Variants in RAB25 observed in about 807,000 individuals in gnomAD.
The protein encoded by RAB25 is ras-related protein Rab-25.
A neutral mutation model predicts 25.2 loss-of-function variants in RAB25; 23 were observed. That is an observed-to-expected ratio of 0.91 (90% CI 0.66 to 1.29). RAB25 has a LOEUF of 1.29. Among genes scored for constraint, RAB25 ranks in the 50% most tolerant of loss-of-function variants. The probability of loss-of-function intolerance (pLI) is 0.00; values close to 1 mark genes in which losing one functional copy is unlikely to be tolerated. For missense variants in RAB25, 244 were observed against 277.3 expected, an observed-to-expected ratio of 0.88 and a Z score of 0.85; for synonymous variants, 102 against 111.5, an observed-to-expected ratio of 0.91 and a Z score of 0.54.
chr1:156,066,065 G>A lies in RAB25; in HGVS notation c.198G>A (p.Trp66Ter), dbSNP rs190300474. ...CCGCTGCTGTCAAGGCTCAGATCTGGGACACAGCTGGCCTGGAGCGGTACC... is the reference window on the plus strand; with the variant it reads ...CCGCTGCTGTCAAGGCTCAGATCTGAGACACAGCTGGCCTGGAGCGGTACC... ...LGTAAVKAQIWDTAGLERYRA... is the reference protein window; with the variant it reads ...LGTAAVKAQI The change falls in exon 2 of 5, where the codon TGG (tryptophan) becomes TGA (stop). Residue 66 changes from tryptophan (W) to a stop codon, truncating the protein, a stop_gained. Transcript: ENST00000361084. LOFTEE classifies it high-confidence loss of function. 1,017 of 1,612,026 alleles carry A rather than the reference G, an allele frequency of 6.3e-4. 2 individuals are homozygous for A. Among genetic ancestry groups the A allele is most frequent in the Non-Finnish European group, 7.7e-4 (908 of 1,178,636 alleles).
rs528138975 is a variant in RAB25 at position 156,062,239 on chromosome 1, T to C, written c.43+796T>C. 2.0e-5 allele frequency among the ~76,000 whole-genome samples: 3 copies of C among 152,318 alleles called. No individual in the cohort carries two copies. The South Asian group carries it at 6.2e-4, about 32-fold the overall frequency. On this transcript the variant is annotated intron_variant, in intron 1 of 4. Transcript: ENST00000361084. ...AAGACAGAAAATATCATGAATTTGCTGCAGAGTCTGATAGAATCCAGAGGA... is the reference window on the plus strand; with the variant it reads ...AAGACAGAAAATATCATGAATTTGCCGCAGAGTCTGATAGAATCCAGAGGA...
At chr1:156,064,385 C>T (rs185208099) in intron 1 of RAB25, among the ~76,000 whole-genome samples, 113 of 151,814 alleles carry the variant, frequency 7.4e-4, no homozygotes, top group Non-Finnish European at 1.2e-4. Context: ...GGACTACATG[C>T]ATGTGCCACC....
In RAB25 at chr1:156,066,207, G is replaced by A. The variant is rs749209022; in HGVS notation, c.239+101G>A. Reference sequence around the variant, plus strand: ...GGGGAGGAGGAGGCAAGGGGGCTCAGCAGTGGGCTCTGGGGGGTGGGGATG... The same window carrying A: ...GGGGAGGAGGAGGCAAGGGGGCTCAACAGTGGGCTCTGGGGGGTGGGGATG... On this transcript the variant is annotated intron_variant, in intron 2 of 4. Coordinates refer to ENST00000361084, the MANE Select transcript of RAB25 (RefSeq NM_020387.4). The A allele has an allele frequency of 4.9e-4, 473 of 962,240 alleles. 1 individual carries two copies. The highest frequency in any genetic ancestry group is 6.3e-4 in the Non-Finnish European group (437 of 694,094). 59.6% of individuals were successfully genotyped at this position (962,240 alleles called of 1,614,324 possible).
In RAB25 at chr1:156,061,409, T is replaced by C. The variant is rs769330382; in HGVS notation, c.9T>C (p.Asn3=). 2 of 1,613,956 alleles carry C rather than the reference T, an allele frequency of 1.2e-6. No homozygotes were observed. The highest frequency in any genetic ancestry group is 2.7e-5 in the African/African-American group (2 of 74,916). ...CTCCATGCGGAGCCAAGATGGGGAATGGAACTGAGGAAGATTATAACTTTG... is the reference window on the plus strand; with the variant it reads ...CTCCATGCGGAGCCAAGATGGGGAACGGAACTGAGGAAGATTATAACTTTG... MG[N]GTEEDYNFVF... is the part of the protein sequence containing the mutation. The change falls in exon 1 of 5, where the codon AAT becomes AAC. Residue 3 remains asparagine, a synonymous_variant. Coordinates refer to ENST00000361084, the MANE Select transcript of RAB25 (RefSeq NM_020387.4).
Position 156,061,308 on chromosome 1 carries a change from C to A in RAB25, c.-93C>A, listed in dbSNP as rs1166747151. 2 of 1,335,686 alleles carry A rather than the reference C, an allele frequency of 1.5e-6. No individual in the cohort carries two copies. The highest frequency in any genetic ancestry group is 2.9e-5 in the African/African-American group (2 of 69,186). 82.7% of individuals were successfully genotyped at this position (1,335,686 alleles called of 1,614,324 possible). A position where few individuals can be genotyped will look rare whatever the true frequency, so the allele number is the denominator to read the frequency against. ...AATGAGAGGAGGGGCAGGACCAGAT[C>A]TTTTGAGAGCTGAGGGTTGAGGGCA... is the stretch of plus-strand genomic sequence containing the variant. On this transcript the variant is annotated 5_prime_UTR_variant, in exon 1 of 5. Transcript: ENST00000361084.
At chr1:156,064,964 C>G (rs1183923906) in intron 1 of RAB25, among the ~76,000 whole-genome samples, 1 of 152,098 alleles carries the variant, frequency 6.6e-6, no homozygotes, top group Non-Finnish European at 1.5e-5. Flanking sequence ...CTCACATCAG[C>G]CCCCTACACT....
intron 3 of RAB25, 38 bp from the exon 4 acceptor site, chr1:156,069,633 G>T (rs369418058): frequency 3.4e-6 from 5 of 1,451,354 alleles, no homozygotes; most frequent in South Asian, 1.1e-5. Context: ...TATTGCCTTT[G>T]ACTCCCACAA....
intron 4 of RAB25, 144 bp from the exon 5 acceptor site, chr1:156,070,016 C>T (rs1433692540): frequency 7.6e-7 from 1 of 1,308,706 alleles, no homozygotes; most frequent in Non-Finnish European, 1.1e-6. Flanking sequence ...TATGTCCACA[C>T]TTCATTTCCT....
intron 2 of RAB25, 64 bp downstream of exon 2, chr1:156,066,170 G>T: frequency 7.2e-7 from 1 of 1,395,076 alleles, no homozygotes. Flanking sequence ...GAACACTTCT[G>T]GAGGAGAAGT....
At position 156,070,457 on chromosome 1, in the gene RAB25, TC is replaced by T; in HGVS notation, c.*172del. 1.2e-6 allele frequency: 1 copy of T among 846,158 alleles called. No homozygotes were observed. Among genetic ancestry groups the T allele is most frequent in the Non-Finnish European group, 1.8e-6 (1 of 555,746 alleles). The allele number at this position is 846,158 out of a possible 1,614,324, so 52.4% of individuals were successfully genotyped here. On this transcript the variant is annotated 3_prime_UTR_variant, in exon 5 of 5. Coordinates refer to ENST00000361084, the MANE Select transcript of RAB25 (RefSeq NM_020387.4). ...CTATCACAAATACCTCTTTTATCTGTCCACCCCTCACAGACTAGGACCCTCA... is the reference window on the plus strand; with the variant it reads ...CTATCACAAATACCTCTTTTATCTGTCACCCCTCACAGACTAGGACCCTCA...
intron 2 of RAB25, 159 bp from the exon 3 acceptor site, chr1:156,068,111 T>C: frequency 3.2e-6 from 2 of 633,900 alleles, no homozygotes; most frequent in South Asian, 4.5e-5. Context: ...AGAGGAGCCT[T>C]GGGCTGCTCT....
rs1647846354 is a variant in RAB25 at position 156,069,587 on chromosome 1, G to A, written c.434-84G>A. ...CTACATGCCAAGAGTTTAGCACATG[G>A]CAAATGTATATAGCAAACATTAATA... On this transcript the variant is annotated intron_variant, in intron 3 of 4. Transcript: ENST00000361084. The A allele has an allele frequency of 5.4e-6, 6 of 1,110,710 alleles. No individual in the cohort carries two copies. In the South Asian group the frequency reaches 7.7e-5, roughly 14 times the overall value. The allele number at this position is 1,110,710 out of a possible 1,614,324, so 68.8% of individuals were successfully genotyped here.
chr1:156,070,217 C>A lies in RAB25; in HGVS notation c.572C>A (p.Thr191Asn). The A allele has an allele frequency of 6.2e-7, 1 of 1,614,142 alleles. No individual in the cohort carries two copies. Residue 191 changes from threonine (T) to asparagine (N), a missense_variant, in exon 5 of 5, where the codon ACT becomes AAT. Coordinates refer to ENST00000361084, the MANE Select transcript of RAB25 (RefSeq NM_020387.4). The stretch of plus-strand genomic sequence containing the variant: ...AACAGCATCCGGACCAATGCCATCA[C>A]TCTGGGCAGTGCCCAGGCTGGACAG... ...RQNSIRTNAI[T>N]LGSAQAGQEP... is the part of the protein sequence containing the mutation.
rs1647867149 is a variant in RAB25 at position 156,070,216 on chromosome 1, A to T, written c.571A>T (p.Thr191Ser). 1.9e-6 allele frequency: 3 copies of T among 1,613,822 alleles called. No individual in the cohort carries two copies. Among genetic ancestry groups the T allele is most frequent in the Admixed American group, 3.3e-5 (2 of 59,992 alleles). ...GAACAGCATCCGGACCAATGCCATCACTCTGGGCAGTGCCCAGGCTGGACA... is the reference window on the plus strand; with the variant it reads ...GAACAGCATCCGGACCAATGCCATCTCTCTGGGCAGTGCCCAGGCTGGACA... Reference protein sequence around the residue: ...RQNSIRTNAITLGSAQAGQEP... With the variant: ...RQNSIRTNAISLGSAQAGQEP... The change falls in exon 5 of 5, where the codon ACT (threonine) becomes TCT (serine). Residue 191 changes from threonine to serine, a missense_variant. Coordinates refer to ENST00000361084, the MANE Select transcript of RAB25 (RefSeq NM_020387.4).
intron 1 of RAB25, 26 bp downstream of exon 1, chr1:156,061,469 G>A: frequency 1.2e-6 from 2 of 1,611,174 alleles, no homozygotes; most frequent in Non-Finnish European, 1.7e-6. Flanking sequence ...TGAAGCAAGA[G>A]GAAGCCTGAG....
Position 156,063,113 on chromosome 1 carries a change from G to A in RAB25, c.43+1670G>A, listed in dbSNP as rs148677848. ...TGGGTTGGGGTCCCTAGAAGCAGAC[G>A]CTGAGAAGAAGTTGGGGTGTTCAAT... On this transcript the variant is annotated intron_variant, in intron 1 of 4. Transcript: ENST00000361084. 6.8e-3 allele frequency among the ~76,000 whole-genome samples: 1,027 copies of A among 150,258 alleles called. 14 individuals carry two copies. The highest frequency in any genetic ancestry group is 0.024 in the African/African-American group (977 of 40,806).
intron 1 of RAB25, among the ~76,000 whole-genome samples, chr1:156,062,364 G>T (rs749863303): frequency 6.6e-6 from 1 of 152,104 alleles, no homozygotes; most frequent in Non-Finnish European, 1.5e-5. Context: ...AAGCATGCAT[G>T]TATCTTTCTA....
intron 3 of RAB25, 126 bp downstream of exon 3, chr1:156,068,589 C>T: frequency 1.2e-6 from 1 of 801,378 alleles, no homozygotes; most frequent in South Asian, 2.0e-5. Flanking sequence ...GTCCTCTACC[C>T]CATCCCCTCT....
rs1050916555 is a variant in RAB25 at position 156,065,844 on chromosome 1, C to T, written c.44-67C>T. 1.7e-5 allele frequency: 22 copies of T among 1,301,222 alleles called. 1 individual carries two copies. In the Admixed American group the frequency reaches 3.1e-4, roughly 18 times the overall value. The allele number at this position is 1,301,222 out of a possible 1,614,324, so 80.6% of individuals were successfully genotyped here. On this transcript the variant is annotated intron_variant, in intron 1 of 4. Coordinates refer to ENST00000361084, the MANE Select transcript of RAB25 (RefSeq NM_020387.4). ...GTTCCCTTTTTCTGCTGGGCAGACC[C>T]TCCAAGCTCAGGTGGGGTTGGAGCT...
Sources: allele counts gnomAD v4.1 joint callset (sites outside exome capture counted in the v4.1 genomes callset), GRCh38; gene constraint gnomAD v4.1.1; transcripts MANE v1.5; gene names NCBI Gene and HGNC (gene_info 2026-07-23, HGNC 2026-07-21).